Variants in ABCC8 observed in about 807,000 individuals in gnomAD.
ABCC8 encodes the protein ATP-binding cassette sub-family C member 8.
Under a neutral mutation model 188.0 loss-of-function variants are expected in ABCC8, and 137 were observed. That is an observed-to-expected ratio of 0.73 (90% CI 0.63 to 0.84). The LOEUF is 0.84. ABCC8 is among the 40% of genes least tolerant of loss of function. The pLI is 0.00. For synonymous variants in ABCC8, 797 were observed against 846.5 expected, an observed-to-expected ratio of 0.94 and a Z score of 1.01; for missense variants, 1,750 against 2,072.7, an observed-to-expected ratio of 0.84 and a Z score of 3.02.
chr11:17,415,003 AC>A (rs1467412974), intron 18 of ABCC8, among the ~76,000 whole-genome samples: 3 of 145,332 alleles, frequency 2.1e-5, no homozygotes, highest in African/African-American at 8.3e-5. Context: ...AAATGGAAGA[AC>A]TTTTTTTTTT....
At chr11:17,437,375 T>C (rs1170116195) in intron 10 of ABCC8, among the ~76,000 whole-genome samples, 1 of 152,244 alleles carries the variant, frequency 6.6e-6, no homozygotes, top group Non-Finnish European at 1.5e-5. Context: ...GAGCTTTTCA[T>C]TTCCAAAGCA....
At chr11:17,458,572 G>A (rs1238931206) in intron 6 of ABCC8, among the ~76,000 whole-genome samples, 1 of 152,186 alleles carries the variant, frequency 6.6e-6, no homozygotes, top group African/African-American at 2.4e-5. Flanking sequence ...GCCAATGGGG[G>A]TATTCTGGGG....
chr11:17,417,168 A>T (rs1164091881), intron 16 of ABCC8: 1 of 708,246 alleles, frequency 1.4e-6, no homozygotes, highest in Non-Finnish European at 1.7e-6. Flanking sequence ...CCCTCCAAAT[A>T]GCATGTGCTA....
At chr11:17,420,717 G>A (rs1020136686) in intron 16 of ABCC8, among the ~76,000 whole-genome samples, 1 of 152,158 alleles carries the variant, frequency 6.6e-6, no homozygotes, top group East Asian at 1.9e-4. Context: ...TCTTCCCCAC[G>A]CTGATCCTTT....
intron 16 of ABCC8, among the ~76,000 whole-genome samples, chr11:17,426,235 G>A (rs1955576839): frequency 6.6e-6 from 1 of 152,094 alleles, no homozygotes; most frequent in South Asian, 2.1e-4. Flanking sequence ...GGTATTTCTG[G>A]TTCTAGATCC....
chr11:17,409,133 T>TTA (rs1317246090), intron 22 of ABCC8, among the ~76,000 whole-genome samples: 9 of 151,664 alleles, frequency 5.9e-5, no homozygotes, highest in Non-Finnish European at 1.3e-4. Flanking sequence ...TTTTTTTTTT[T>TTA]TTTATAGAGA....
At position 17,404,460 on chromosome 11, in the gene ABCC8, C is replaced by A. The variant is rs1001830938; in HGVS notation, c.3557+52G>T. 1.9e-6 allele frequency: 3 copies of A among 1,553,276 alleles called. No homozygotes were observed. The highest frequency in any genetic ancestry group is 1.4e-5 in the African/African-American group (1 of 73,476). On this transcript the variant is annotated intron_variant, in intron 28 of 38. Transcript: ENST00000389817. The surrounding 1 kb of genome is among the most constrained non-coding windows in gnomAD (Gnocchi z 4.7). Reference sequence around the variant, plus strand: ...CATAACGATGAGTCTAGCAAGTACACCAAACTGCACATTGCAAAGCACCTC... The same window carrying A: ...CATAACGATGAGTCTAGCAAGTACAACAAACTGCACATTGCAAAGCACCTC...
intron 1 of ABCC8, among the ~76,000 whole-genome samples, chr11:17,476,028 A>T (rs1197734309): frequency 6.6e-6 from 1 of 152,154 alleles, no homozygotes; most frequent in Non-Finnish European, 1.5e-5. Context: ...CGCTCTGGAG[A>T]CACATGCCCG....
chr11:17,449,922 T>C (rs1253962577), intron 7 of ABCC8, among the ~76,000 whole-genome samples: 1 of 152,212 alleles, frequency 6.6e-6, no homozygotes, highest in Non-Finnish European at 1.5e-5. Context: ...ATGACATTTT[T>C]AAAGAAATCT....
intron 6 of ABCC8, among the ~76,000 whole-genome samples, chr11:17,459,093 C>A (rs990924168): frequency 1.3e-5 from 2 of 152,250 alleles, no homozygotes; most frequent in Admixed American, 6.5e-5. Context: ...AGCTGAGAGA[C>A]CCTGGGGAAA....
rs886041391 is a variant in ABCC8 at position 17,395,277 on chromosome 11, T to C, written c.4308-2A>G. 1.1e-5 allele frequency: 18 copies of C among 1,581,694 alleles called. No homozygotes were observed. Among genetic ancestry groups the C allele is most frequent in the Non-Finnish European group, 1.5e-5 (18 of 1,161,982 alleles). On this transcript the variant is annotated splice_acceptor_variant, in intron 35 of 38. Transcript: ENST00000389817. LOFTEE classifies it high-confidence loss of function. ...TTCCTCTCAGGGTCCAGGTTAAATC[T>C]GGAAGTGGCACAGAAAGCCCCAGTA...
chr11:17,476,509 G>A lies in ABCC8; in HGVS notation c.148+120C>T, dbSNP rs1848784205. 7.7e-6 allele frequency: 10 copies of A among 1,291,924 alleles called. No homozygotes were observed. In the South Asian group the frequency reaches 1.3e-4, roughly 17 times the overall value. 80.0% of individuals were successfully genotyped at this position (1,291,924 alleles called of 1,614,324 possible). On this transcript the variant is annotated intron_variant, in intron 1 of 38. Transcript: ENST00000389817. ...GCAGGACACAGGGCAGGGGACCCCG[G>A]GAACGAGGCGGACGGCGGTCGCGGG...
In ABCC8 at chr11:17,443,433, C is replaced by T. The variant is rs1448095144; in HGVS notation, c.1333-121G>A. ...GGACAAGCCTTGGTGCCCAGGTTTC[C>T]AAATTATCTTGGGGAGTGGAGTGCA... On this transcript the variant is annotated intron_variant, in intron 8 of 38. Coordinates refer to ENST00000389817, the MANE Select transcript of ABCC8 (RefSeq NM_000352.6). 4.5e-6 allele frequency: 7 copies of T among 1,555,198 alleles called. No individual in the cohort carries two copies. In the East Asian group the frequency reaches 6.8e-5, roughly 15 times the overall value.
Position 17,404,449 on chromosome 11 carries a change from T to C in ABCC8, c.3557+63A>G, listed in dbSNP as rs1954405799. ...CCTATTACTCTCATAACGATGAGTC[T>C]AGCAAGTACACCAAACTGCACATTG... is the stretch of plus-strand genomic sequence containing the variant. On this transcript the variant is annotated intron_variant, in intron 28 of 38. Coordinates refer to ENST00000389817, the MANE Select transcript of ABCC8 (RefSeq NM_000352.6). The surrounding 1 kb of genome is among the most constrained non-coding windows in gnomAD (Gnocchi z 4.7). 12 of 1,513,488 alleles carry C rather than the reference T, an allele frequency of 7.9e-6. No homozygotes were observed. In the South Asian group the frequency reaches 1.3e-4, roughly 17 times the overall value. 93.8% of individuals were successfully genotyped at this position (1,513,488 alleles called of 1,614,324 possible). A position where few individuals can be genotyped will look rare whatever the true frequency, so the allele number is the denominator to read the frequency against.
rs762982215 is a variant in ABCC8, at chr11:17,442,897, G to A, written c.1468-15C>T. The A allele has an allele frequency of 7.5e-6, 12 of 1,609,786 alleles. No individual in the cohort carries two copies. Among genetic ancestry groups the A allele is most frequent in the South Asian group, 2.2e-5 (2 of 91,032 alleles). ...TTGGAATACTCCTGCAGGGGTCCCC[G>A]AGTCAGAGGGGAGAGGCTTCTGCTC... On this transcript the variant is annotated splice_polypyrimidine_tract_variant and intron_variant, in intron 9 of 38. Transcript: ENST00000389817.
At chr11:17,461,337 G>A (rs1277616105) in intron 5 of ABCC8, 4 of 563,218 alleles carry the variant, frequency 7.1e-6, no homozygotes, top group Non-Finnish European at 1.3e-5. Flanking sequence ...TTCCCCATCT[G>A]GATAAGGACT....
intron 16 of ABCC8, among the ~76,000 whole-genome samples, chr11:17,424,167 G>A (rs145275635): frequency 6.6e-6 from 1 of 151,976 alleles, no homozygotes; most frequent in Non-Finnish European, 1.5e-5. Flanking sequence ...CTGTCGGGGG[G>A]TGGGAGGCAA....
intron 16 of ABCC8, among the ~76,000 whole-genome samples, chr11:17,423,125 G>C (rs2133513349): frequency 6.6e-6 from 1 of 152,108 alleles, no homozygotes; most frequent in African/African-American, 2.4e-5. Flanking sequence ...TTGGGAGGCT[G>C]AGGCGGGCGG....
intron 22 of ABCC8, among the ~76,000 whole-genome samples, chr11:17,409,101 C>T (rs10766397): frequency 0.62 from 93,922 of 151,074 alleles, 29,395 homozygotes; most frequent in East Asian, 0.72. Flanking sequence ...CACAGGTGCA[C>T]GCCACCATAC....
Sources: gnomAD v4.1 joint callset for allele counts (sites outside exome capture counted in the v4.1 genomes callset) on GRCh38, gnomAD v4.1.1 for gene constraint, Gnocchi (gnomAD v3.1) non-coding constraint, MANE v1.5 for transcripts, NCBI Gene and HGNC (gene_info 2026-07-23, HGNC 2026-07-21) for gene names.